Variants in PRR16 observed in about 807,000 individuals in gnomAD.
PRR16 encodes the protein proline rich 16.
A neutral mutation model predicts 18.2 loss-of-function variants in PRR16; 6 were observed. That is an observed-to-expected ratio of 0.33 (90% CI 0.18 to 0.65). The LOEUF (loss-of-function observed/expected upper bound fraction) is 0.65. PRR16 is among the 30% of genes least tolerant of loss of function. The pLI, the probability that PRR16 is intolerant of heterozygous loss-of-function variation, is 0.74. For synonymous variants in PRR16, 151 were observed against 147.8 expected, an observed-to-expected ratio of 1.02 and a Z score of -0.16; for missense variants, 412 against 376.6, an observed-to-expected ratio of 1.09 and a Z score of -0.78.
At chr5:120,641,126 C>T (rs1016542304) in intron 1 of PRR16, among the ~76,000 whole-genome samples, 6 of 152,188 alleles carry the variant, frequency 3.9e-5, no homozygotes, top group African/African-American at 1.2e-4. Flanking sequence ...ACACAACTTT[C>T]GTCTAGCTTA....
chr5:120,769,695 A>T, the PRR16 span, among the ~76,000 whole-genome samples: 1 of 151,816 alleles, frequency 6.6e-6, no homozygotes, highest in African/African-American at 2.4e-5. Context: ...TTTTTGACTT[A>T]CTGATTTCAA....
chr5:120,738,384 T>C, the PRR16 span, among the ~76,000 whole-genome samples: 2 of 152,162 alleles, frequency 1.3e-5, no homozygotes, highest in East Asian at 1.9e-4. Context: ...AGATATGATA[T>C]TCTTAATGAA....
chr5:120,674,061 T>C (rs1009722436), intron 1 of PRR16, among the ~76,000 whole-genome samples: 1 of 152,092 alleles, frequency 6.6e-6, no homozygotes, highest in African/African-American at 2.4e-5. Flanking sequence ...CTTTTGGAAA[T>C]TGAGCTCTAA....
the PRR16 span, among the ~76,000 whole-genome samples, chr5:120,696,936 A>G: frequency 6.6e-6 from 1 of 151,880 alleles, no homozygotes; most frequent in East Asian, 1.9e-4. Flanking sequence ...TGAAAGAAAT[A>G]AGCAATTAAT....
At chr5:120,770,926 A>ACT in the PRR16 span, among the ~76,000 whole-genome samples, 65,483 of 131,302 alleles carry the variant, frequency 0.5, 16,010 homozygotes, top group East Asian at 0.62. Flanking sequence ...TCATTGGAAC[A>ACT]CTCTCTCTCT....
chr5:120,711,559 C>A, the PRR16 span, among the ~76,000 whole-genome samples: 1 of 152,168 alleles, frequency 6.6e-6, no homozygotes, highest in Admixed American at 6.5e-5. Flanking sequence ...GGATATTAAT[C>A]AGTATGTCAC....
the PRR16 span, among the ~76,000 whole-genome samples, chr5:120,779,509 G>C: frequency 6.6e-6 from 1 of 152,086 alleles, no homozygotes; most frequent in African/African-American, 2.4e-5. Context: ...GTTTTATATA[G>C]CTGAATCCCC....
At chr5:120,628,074 G>A (rs1754926020) in intron 1 of PRR16, among the ~76,000 whole-genome samples, 1 of 152,082 alleles carries the variant, frequency 6.6e-6, no homozygotes, top group South Asian at 2.1e-4. Context: ...AATTGCTGTG[G>A]TTATCATGTG....
At chr5:120,502,651 C>T (rs1248800254) in intron 1 of PRR16, among the ~76,000 whole-genome samples, 1 of 152,104 alleles carries the variant, frequency 6.6e-6, no homozygotes, top group Non-Finnish European at 1.5e-5. Context: ...CTGTTACTAA[C>T]CTTGGGCAAA....
rs77179481 is a variant in PRR16 at position 120,533,911 on chromosome 5, T to C, written c.159+69266T>C. The stretch of plus-strand genomic sequence containing the variant: ...CAGGTAGTGAGAAGTGGCTGGGTGC[T>C]GGATATGTGTTGAAAGTATAACAAG... On this transcript the variant is annotated intron_variant, in intron 1 of 1. Transcript: ENST00000407149. Among the ~76,000 whole-genome samples the C allele has an allele frequency of 5.0e-3, 767 of 152,280 alleles. 3 individuals carry two copies. Among genetic ancestry groups the C allele is most frequent in the African/African-American group, 0.017 (727 of 41,544 alleles).
At chr5:120,584,743 A>G (rs761709347) in intron 1 of PRR16, among the ~76,000 whole-genome samples, 8 of 152,160 alleles carry the variant, frequency 5.3e-5, no homozygotes, top group Non-Finnish European at 1.2e-4. Context: ...TCTAACTTCA[A>G]ATGTCATGTT....
intron 1 of PRR16, among the ~76,000 whole-genome samples, chr5:120,494,885 A>G (rs1750191488): frequency 6.6e-6 from 1 of 152,072 alleles, no homozygotes; most frequent in African/African-American, 2.4e-5. Context: ...TTTATAAAAA[A>G]ATCAGTTCTC....
intron 1 of PRR16, among the ~76,000 whole-genome samples, chr5:120,487,750 T>G (rs1749863033): frequency 6.6e-6 from 1 of 152,110 alleles, no homozygotes; most frequent in Non-Finnish European, 1.5e-5. Flanking sequence ...ATGCTTCCAG[T>G]TTTTGCCCAT....
At chr5:120,521,385 A>T (rs967958279) in intron 1 of PRR16, among the ~76,000 whole-genome samples, 2 of 152,034 alleles carry the variant, frequency 1.3e-5, no homozygotes, top group Admixed American at 6.6e-5. Context: ...TGTGGTTGTT[A>T]TTGTTATTTG....
intron 1 of PRR16, among the ~76,000 whole-genome samples, chr5:120,545,759 G>A (rs905854071): frequency 5.3e-5 from 8 of 151,850 alleles, no homozygotes; most frequent in African/African-American, 1.7e-4. Context: ...TTAAAAATTT[G>A]GGTAGCCTTA....
At chr5:120,604,482 G>T (rs1446619631) in intron 1 of PRR16, among the ~76,000 whole-genome samples, 3 of 152,026 alleles carry the variant, frequency 2.0e-5, no homozygotes, top group East Asian at 3.9e-4. Context: ...GCATACAGTT[G>T]GTCTTGCTTC....
the PRR16 span, among the ~76,000 whole-genome samples, chr5:120,754,431 A>ATACTATATACTATATATTATATAAT: frequency 1.0e-5 from 1 of 99,076 alleles, no homozygotes; most frequent in East Asian, 2.9e-4. Flanking sequence ...TATATAATAT[A>ATACTATATACTATATATTATATAAT]TAGTATATAG....
intron 1 of PRR16, among the ~76,000 whole-genome samples, chr5:120,658,847 T>TG (rs1472786866): frequency 6.6e-6 from 1 of 151,988 alleles, no homozygotes; most frequent in East Asian, 1.9e-4. Context: ...CAAATTATCT[T>TG]GCACTTGTTC....
the PRR16 span, among the ~76,000 whole-genome samples, chr5:120,716,306 T>C: frequency 1.3e-5 from 2 of 152,198 alleles, no homozygotes; most frequent in Non-Finnish European, 2.9e-5. Context: ...CTCTTGTTCT[T>C]CGAATCAAGT....
Sources: allele counts gnomAD v4.1 joint callset (sites outside exome capture counted in the v4.1 genomes callset), GRCh38; gene constraint gnomAD v4.1.1; transcripts MANE v1.5; gene names NCBI Gene and HGNC (gene_info 2026-07-23, HGNC 2026-07-21).